The following KAT7 variants were observed in gnomAD, a reference collection of about 807,000 sequenced individuals.
KAT7 encodes lysine acetyltransferase 7.
In KAT7, 10 loss-of-function variants were observed where a neutral mutation model predicts 82.1. That is an observed-to-expected ratio of 0.12 (90% CI 0.08 to 0.21). The LOEUF (loss-of-function observed/expected upper bound fraction) is 0.21, where lower values mean the gene tolerates loss of function less well. Ranked by LOEUF, KAT7 falls within the 10% of genes least tolerant of loss-of-function variation. The pLI is 1.00. For synonymous variants in KAT7, 250 were observed against 262.5 expected, an observed-to-expected ratio of 0.95 and a Z score of 0.46; for missense variants, 378 against 760.9, an observed-to-expected ratio of 0.50 and a Z score of 5.92.
intron 9 of KAT7, among the ~76,000 whole-genome samples, chr17:49,820,777 T>TTCC (rs2074293855): frequency 6.6e-6 from 1 of 150,934 alleles, no homozygotes; most frequent in Non-Finnish European, 1.5e-5. Context: ...TTTCTTTTTT[T>TTCC]GCCACAGGAC....
At chr17:49,810,053 T>A (rs1598071193) in intron 6 of KAT7, among the ~76,000 whole-genome samples, 1 of 152,318 alleles carries the variant, frequency 6.6e-6, no homozygotes, top group Non-Finnish European at 1.5e-5. Context: ...TGAATACTGA[T>A]TATTTAACTC....
At chr17:49,814,657 A>G (rs2074211769) in intron 7 of KAT7, among the ~76,000 whole-genome samples, 1 of 152,096 alleles carries the variant, frequency 6.6e-6, no homozygotes, top group Non-Finnish European at 1.5e-5. Context: ...GTAATTTGGG[A>G]TAGGTTATTA....
chr17:49,832,015 G>C lies in KAT7; in HGVS notation c.*4513G>C, dbSNP rs2074429030. The C allele has an allele frequency of 6.7e-6, 1 of 150,138 alleles. No homozygotes were observed. Among genetic ancestry groups the C allele is most frequent in the Non-Finnish European group, 1.5e-5 (1 of 67,910 alleles). 9.3% of individuals were successfully genotyped at this position (150,138 alleles called of 1,614,324 possible). A position where few individuals can be genotyped will look rare whatever the true frequency, so the allele number is the denominator to read the frequency against. On this transcript the variant is annotated 3_prime_UTR_variant, in exon 15 of 15. Coordinates refer to ENST00000259021, the MANE Select transcript of KAT7 (RefSeq NM_007067.5). Reference sequence around the variant, plus strand: ...CTGTCACCTATGCTGGAGTGCAGTGGCGTGATCTAGGCTCATTGCAACCTC... The same window carrying C: ...CTGTCACCTATGCTGGAGTGCAGTGCCGTGATCTAGGCTCATTGCAACCTC...
In KAT7 at chr17:49,798,677, C is replaced by T. The variant is rs2073986246; in HGVS notation, c.580+119C>T. 5 of 1,027,016 alleles carry T rather than the reference C, an allele frequency of 4.9e-6. No individual in the cohort carries two copies. In the Admixed American group the frequency reaches 1.2e-4, roughly 25 times the overall value. The allele number at this position is 1,027,016 out of a possible 1,614,324, so 63.6% of individuals were successfully genotyped here. On this transcript the variant is annotated intron_variant, in intron 4 of 14. Coordinates refer to ENST00000259021, the MANE Select transcript of KAT7 (RefSeq NM_007067.5). ...TCTTAGGCTCTTCAGTGGTCATGTGCTGAGTGATAATGAGTTGCTCACTTG... is the reference window on the plus strand; with the variant it reads ...TCTTAGGCTCTTCAGTGGTCATGTGTTGAGTGATAATGAGTTGCTCACTTG...
chr17:49,790,289 C>T (rs377743473), intron 1 of KAT7, among the ~76,000 whole-genome samples: 1 of 152,082 alleles, frequency 6.6e-6, no homozygotes, highest in African/African-American at 2.4e-5. Context: ...CTCCGCCTCC[C>T]GGGTTCAAGC....
intron 4 of KAT7, among the ~76,000 whole-genome samples, chr17:49,802,598 T>A (rs1233554605): frequency 6.7e-6 from 1 of 149,250 alleles, no homozygotes; most frequent in African/African-American, 2.5e-5. Context: ...CCTTGGGAGG[T>A]GGTGGTTGCA....
At chr17:49,816,211 G>A (rs1009994995) in intron 8 of KAT7, among the ~76,000 whole-genome samples, 2 of 152,106 alleles carry the variant, frequency 1.3e-5, no homozygotes, top group African/African-American at 4.8e-5. Context: ...TCTCAGCTGG[G>A]CAATTTGCAA....
At chr17:49,805,530 G>A in intron 5 of KAT7, 85 bp downstream of exon 5, 1 of 862,080 alleles carries the variant, frequency 1.2e-6, no homozygotes, top group Non-Finnish European at 1.9e-6. Flanking sequence ...GGGATACAGT[G>A]GCCAACAAGA....
intron 5 of KAT7, among the ~76,000 whole-genome samples, chr17:49,807,123 G>C (rs1314108122): frequency 1.3e-5 from 2 of 152,200 alleles, no homozygotes; most frequent in Admixed American, 6.5e-5. Context: ...GGTATCTGAG[G>C]ATTCAGTGAA....
rs1163899442 is a variant in KAT7 at position 49,830,179 on chromosome 17, ATTTTTTTTTTTTTTT to A, written c.*2692_*2706del. ...AGGCGTGAGCCACTGCACCCGACCTATTTTTTTTTTTTTTTTTTTTTTTTTTTTTAAAAAAAGACA... is the reference window on the plus strand; with the variant it reads ...AGGCGTGAGCCACTGCACCCGACCTATTTTTTTTTTTTTTAAAAAAAGACA... On this transcript the variant is annotated 3_prime_UTR_variant, in exon 15 of 15. Transcript: ENST00000259021. The A allele has an allele frequency of 1.3e-4, 11 of 82,196 alleles. No individual in the cohort carries two copies. The highest frequency in any genetic ancestry group is 2.0e-4 in the Non-Finnish European group (9 of 43,914). The allele number at this position is 82,196 out of a possible 1,614,324, so 5.1% of individuals were successfully genotyped here. A position where few individuals can be genotyped will look rare whatever the true frequency, so the allele number is the denominator to read the frequency against.
chr17:49,817,728 A>G lies in KAT7; in HGVS notation c.964-92A>G, dbSNP rs1033885136. 42 of 1,016,136 alleles carry G rather than the reference A, an allele frequency of 4.1e-5. 1 individual carries two copies. The South Asian group carries it at 5.5e-4, about 13-fold the overall frequency. 62.9% of individuals were successfully genotyped at this position (1,016,136 alleles called of 1,614,324 possible). On this transcript the variant is annotated intron_variant, in intron 8 of 14. Coordinates refer to ENST00000259021, the MANE Select transcript of KAT7 (RefSeq NM_007067.5). ...GTGACCTGCCTGCCTCAGCCTCCCAAAGTGTTGGGATTACAGGAGCCACTG... is the reference window on the plus strand; with the variant it reads ...GTGACCTGCCTGCCTCAGCCTCCCAGAGTGTTGGGATTACAGGAGCCACTG...
chr17:49,801,774 G>A (rs1218519915), intron 4 of KAT7, among the ~76,000 whole-genome samples: 1 of 152,192 alleles, frequency 6.6e-6, no homozygotes, highest in Non-Finnish European at 1.5e-5. Context: ...ACAGGCGTGA[G>A]CCACTGCACC....
chr17:49,796,711 C>G (rs764096913), intron 2 of KAT7, 39 bp from the exon 3 acceptor site: 308 of 1,484,942 alleles, frequency 2.1e-4, no homozygotes, highest in Non-Finnish European at 2.8e-4. Flanking sequence ...AAACAGATTT[C>G]CATCTTTTTT....
intron 7 of KAT7, among the ~76,000 whole-genome samples, chr17:49,814,689 A>C (rs375164953): frequency 6.6e-6 from 1 of 152,152 alleles, no homozygotes; most frequent in African/African-American, 2.4e-5. Flanking sequence ...CCTTGATTAA[A>C]ATGCTGGCTA....
chr17:49,796,623 T>C, intron 2 of KAT7, 127 bp from the exon 3 acceptor site: 1 of 659,320 alleles, frequency 1.5e-6, no homozygotes, highest in East Asian at 2.8e-5. Flanking sequence ...AAATAGATAT[T>C]TTAAGGATTT....
Position 49,828,864 on chromosome 17 carries a change from G to A in KAT7, c.*1362G>A, listed in dbSNP as rs968687524. 2.6e-5 allele frequency: 4 copies of A among 153,292 alleles called. No individual in the cohort carries two copies. Among genetic ancestry groups the A allele is most frequent in the African/African-American group, 9.7e-5 (4 of 41,380 alleles). 9.5% of individuals were successfully genotyped at this position (153,292 alleles called of 1,614,324 possible). On this transcript the variant is annotated 3_prime_UTR_variant, in exon 15 of 15. Coordinates refer to ENST00000259021, the MANE Select transcript of KAT7 (RefSeq NM_007067.5). ...CTCCGGTCATTTGTGCCTTTCTCTT[G>A]TCATCTCTGTACACTACTTATATTC... is the stretch of plus-strand genomic sequence containing the variant.
chr17:49,804,296 G>A (rs1449474316), intron 4 of KAT7, among the ~76,000 whole-genome samples: 1 of 151,494 alleles, frequency 6.6e-6, no homozygotes. Flanking sequence ...GGAGAATGGC[G>A]TGAACCCAGG....
intron 2 of KAT7, among the ~76,000 whole-genome samples, chr17:49,793,133 A>G (rs1269057909): frequency 1.3e-5 from 2 of 152,156 alleles, no homozygotes; most frequent in Non-Finnish European, 2.9e-5. Flanking sequence ...TTTTTAACTT[A>G]TAATACTTTC....
chr17:49,800,010 C>CTTTTTT (rs10694119), intron 4 of KAT7, among the ~76,000 whole-genome samples: 2 of 98,430 alleles, frequency 2.0e-5, no homozygotes, highest in Non-Finnish European at 1.9e-5. Flanking sequence ...GTTTCCTGGC[C>CTTTTTT]TTTTTTTTTT....
Sources: allele counts gnomAD v4.1 joint callset (sites outside exome capture counted in the v4.1 genomes callset), GRCh38; gene constraint gnomAD v4.1.1; transcripts MANE v1.5; gene names NCBI Gene and HGNC (gene_info 2026-07-23, HGNC 2026-07-21).